CBFA2T2: variants seen among roughly 807,000 people sequenced by gnomAD.
CBFA2T2 encodes protein CBFA2T2.
A neutral mutation model predicts 62.2 loss-of-function variants in CBFA2T2; 11 were observed. The ratio of observed to expected loss-of-function variants is 0.18; its 90% CI spans 0.11 to 0.29. The LOEUF (loss-of-function observed/expected upper bound fraction) is 0.29. CBFA2T2 is among the 10% of genes least tolerant of loss of function. The pLI, the probability that CBFA2T2 is intolerant of heterozygous loss-of-function variation, is 1.00. For missense variants in CBFA2T2, 592 were observed against 774.1 expected (o/e 0.76, Z 2.79); for synonymous variants, 295 against 287.5 (o/e 1.03, Z -0.27).
chr20:33,591,146 T>C (rs1484841276), intron 1 of CBFA2T2, among the ~76,000 whole-genome samples: 2 of 120,442 alleles, frequency 1.7e-5, no homozygotes, highest in African/African-American at 3.6e-5. Context: ...ACCATTGCAC[T>C]CCAGCCTGGG....
intron 1 of CBFA2T2, among the ~76,000 whole-genome samples, chr20:33,587,105 C>G (rs1015697294): frequency 5.3e-5 from 8 of 151,940 alleles, no homozygotes; most frequent in Admixed American, 4.6e-4. Flanking sequence ...CCATGCCTGG[C>G]GAATTCGATG....
intron 8 of CBFA2T2, 45 bp downstream of exon 8, chr20:33,629,959 T>C (rs200985551): frequency 3.3e-6 from 5 of 1,512,878 alleles, no homozygotes; most frequent in Middle Eastern, 2.3e-4. Flanking sequence ...TGTCAGCCTT[T>C]AGAGCCCACC....
In CBFA2T2 at chr20:33,621,812, A is replaced by C. The variant is rs976732905; in HGVS notation, c.511-1303A>C. Among the ~76,000 whole-genome samples the C allele has an allele frequency of 1.7e-4, 26 of 152,230 alleles. 1 individual carries two copies. Among genetic ancestry groups the C allele is most frequent in the Non-Finnish European group, 3.1e-4 (21 of 68,036 alleles). ...AGGAAAATGCATCGGTCTAAGGTGCACAGCCTGTATCATGGCTCGGTTCTA... is the reference window on the plus strand; with the variant it reads ...AGGAAAATGCATCGGTCTAAGGTGCCCAGCCTGTATCATGGCTCGGTTCTA... On this transcript the variant is annotated intron_variant, in intron 4 of 10. Transcript: ENST00000342704.
intron 8 of CBFA2T2, among the ~76,000 whole-genome samples, chr20:33,631,652 T>C: frequency 6.6e-6 from 1 of 152,320 alleles, no homozygotes; most frequent in Non-Finnish European, 1.5e-5. Flanking sequence ...AAGGATTAGC[T>C]CTGGGGAGCA....
At chr20:33,546,885 C>T (rs910635118) in intron 1 of CBFA2T2, among the ~76,000 whole-genome samples, 4 of 151,958 alleles carry the variant, frequency 2.6e-5, no homozygotes, top group Non-Finnish European at 5.9e-5. Context: ...AGTTTCATTT[C>T]GGAGCCAGAG....
chr20:33,574,175 T>C, intron 1 of CBFA2T2: 3 of 1,612,114 alleles, frequency 1.9e-6, no homozygotes, highest in African/African-American at 1.3e-5. Context: ...ATTCATCTTT[T>C]GGAACATAAG....
At chr20:33,622,903 A>C (rs567947895) in intron 4 of CBFA2T2, among the ~76,000 whole-genome samples, 1 of 152,364 alleles carries the variant, frequency 6.6e-6, no homozygotes, top group East Asian at 1.9e-4. Flanking sequence ...CCTTAAGCAT[A>C]TTTACATCTG....
intron 1 of CBFA2T2, among the ~76,000 whole-genome samples, chr20:33,563,106 A>C (rs2013149921): frequency 6.6e-6 from 1 of 152,248 alleles, no homozygotes; most frequent in Admixed American, 6.5e-5. Context: ...CAGTATATGC[A>C]GGCAAATTAT....
At chr20:33,581,037 C>G (rs2014088746) in intron 1 of CBFA2T2, among the ~76,000 whole-genome samples, 1 of 151,220 alleles carries the variant, frequency 6.6e-6, no homozygotes, top group African/African-American at 2.4e-5. Context: ...CCCGTCCTGT[C>G]CATCCATCCC....
At chr20:33,595,047 G>A (rs1199527029) in intron 1 of CBFA2T2, among the ~76,000 whole-genome samples, 1 of 152,152 alleles carries the variant, frequency 6.6e-6, no homozygotes, top group African/African-American at 2.4e-5. Flanking sequence ...GGTCAGCTGT[G>A]TTGCTACTGT....
intron 1 of CBFA2T2, chr20:33,562,466 T>C (rs955009866): frequency 1.0e-6 from 1 of 985,880 alleles, no homozygotes; most frequent in Non-Finnish European, 1.2e-6. Flanking sequence ...CATCTGTGTT[T>C]CCCTGGAATG....
chr20:33,528,744 T>A (rs1313772864), intron 1 of CBFA2T2, among the ~76,000 whole-genome samples: 1 of 152,204 alleles, frequency 6.6e-6, no homozygotes, highest in Non-Finnish European at 1.5e-5. Flanking sequence ...CTCACCATGT[T>A]GTCCAGGCTG....
intron 1 of CBFA2T2, among the ~76,000 whole-genome samples, chr20:33,513,993 T>G (rs1470154311): frequency 6.7e-6 from 1 of 150,096 alleles, no homozygotes; most frequent in Non-Finnish European, 1.5e-5. Context: ...CTCTGCCTCC[T>G]GGGTTCCAGC....
chr20:33,591,967 T>G (rs2014666179), intron 1 of CBFA2T2, among the ~76,000 whole-genome samples: 1 of 152,148 alleles, frequency 6.6e-6, no homozygotes, highest in African/African-American at 2.4e-5. Flanking sequence ...CCAACACACT[T>G]GGTCCAACAT....
chr20:33,554,685 A>G (rs1235091513), intron 1 of CBFA2T2, among the ~76,000 whole-genome samples: 2 of 140,886 alleles, frequency 1.4e-5, no homozygotes, highest in Non-Finnish European at 1.5e-5. Flanking sequence ...CAGCCTCCCA[A>G]ATTGCTGGGG....
rs1555851358 is a variant in CBFA2T2 at position 33,642,112 on chromosome 20, T to TGTGTGTG, written c.1488+1581_1488+1582insGTGTGTG. Among the ~76,000 whole-genome samples the TGTGTGTG allele has an allele frequency of 2.3e-4, 17 of 74,618 alleles. 1 individual carries two copies. The highest frequency in any genetic ancestry group is 6.3e-4 in the Admixed American group (4 of 6,370). 49.0% of individuals were successfully genotyped at this position (74,618 alleles called of 152,430 possible). On this transcript the variant is annotated intron_variant, in intron 10 of 10. Transcript: ENST00000342704. ...TCTCTCCTCCTCCTTTGTCTTTTTT[T>TGTGTGTG]TTTTTGTGTGTGTGTGTGTGTGTGT...
chr20:33,591,924 G>T (rs1425280675), intron 1 of CBFA2T2, among the ~76,000 whole-genome samples: 2 of 151,968 alleles, frequency 1.3e-5, no homozygotes, highest in Non-Finnish European at 2.9e-5. Context: ...TTCCAAAAAC[G>T]CTCCAGAATC....
At chr20:33,623,954 G>T in intron 5 of CBFA2T2, 25 of 320,154 alleles carry the variant, frequency 7.8e-5, no homozygotes, top group Non-Finnish European at 1.0e-4. Context: ...GAAAGAATTG[G>T]AAAAAAAAAA....
chr20:33,638,108 G>A (rs2016695398), intron 9 of CBFA2T2, among the ~76,000 whole-genome samples: 1 of 150,460 alleles, frequency 6.6e-6, no homozygotes, highest in African/African-American at 2.5e-5. Flanking sequence ...CCAAGTACCT[G>A]GGATTACAGG....
Sources: gnomAD v4.1 joint callset for allele counts (sites outside exome capture counted in the v4.1 genomes callset) on GRCh38, gnomAD v4.1.1 for gene constraint, MANE v1.5 for transcripts, NCBI Gene and HGNC (gene_info 2026-07-23, HGNC 2026-07-21) for gene names.